UPF2: variants seen among roughly 807,000 people sequenced by gnomAD.
The protein encoded by UPF2 is UPF2 regulator of nonsense mediated mRNA decay.
Under a neutral mutation model 141.4 loss-of-function variants are expected in UPF2, and 17 were observed. The observed-to-expected ratio is 0.12, with a 90% CI of 0.08 to 0.18. The LOEUF (loss-of-function observed/expected upper bound fraction) is 0.18. UPF2 is among the 10% of genes least tolerant of loss of function. The probability of loss-of-function intolerance (pLI) is 1.00; values close to 1 mark genes in which losing one functional copy is unlikely to be tolerated. For missense variants in UPF2, 1,152 were observed against 1,515.9 expected (o/e 0.76, Z 3.99); for synonymous variants, 540 against 498.0 (o/e 1.08, Z -1.12).
In UPF2 at chr10:12,031,565, A is replaced by C. The variant is rs575245921; in HGVS notation, c.366-2041T>G. On this transcript the variant is annotated intron_variant, in intron 2 of 21. Coordinates refer to ENST00000357604, the MANE Select transcript of UPF2 (RefSeq NM_015542.4). ...TGTGAAGCTGAGGTGGGAAGAGCCCAGGAGTTAAGACCAGACTGGGCAACA... is the reference window on the plus strand; with the variant it reads ...TGTGAAGCTGAGGTGGGAAGAGCCCCGGAGTTAAGACCAGACTGGGCAACA... 6.6e-5 allele frequency among the ~76,000 whole-genome samples: 10 copies of C among 152,358 alleles called. No individual in the cohort carries two copies. In the East Asian group the frequency reaches 1.9e-3, roughly 29 times the overall value.
Position 12,019,938 on chromosome 10 carries a change from T to G in UPF2, c.1146-5754A>C, listed in dbSNP as rs979026743. 2.0e-5 allele frequency among the ~76,000 whole-genome samples: 3 copies of G among 152,160 alleles called. No homozygotes were observed. The highest frequency in any genetic ancestry group is 4.4e-5 in the Non-Finnish European group (3 of 68,032). ...CGGGGTTTTGCCACGTTGGCCAGGC[T>G]GGCCTCAGGCTCCTGATGTCAGGTG... On this transcript the variant is annotated intron_variant, in intron 3 of 21. Transcript: ENST00000357604. This position sits in a 1 kb window ranked among gnomAD's most constrained non-coding sequence, Gnocchi z 4.5.
chr10:12,006,866 G>A (rs971892307), intron 4 of UPF2, among the ~76,000 whole-genome samples: 2 of 152,060 alleles, frequency 1.3e-5, no homozygotes, highest in African/African-American at 4.8e-5. Context: ...ACTTAGGGTG[G>A]AGTCTCTGGA....
At chr10:11,947,893 T>A (rs1233653453) in intron 16 of UPF2, among the ~76,000 whole-genome samples, 1 of 151,838 alleles carries the variant, frequency 6.6e-6, no homozygotes, top group East Asian at 1.9e-4. Context: ...CTTTAAAAAC[T>A]TTTAATTAAA....
At chr10:12,006,373 A>G (rs1179070668) in intron 4 of UPF2, among the ~76,000 whole-genome samples, 1 of 152,228 alleles carries the variant, frequency 6.6e-6, no homozygotes, top group Non-Finnish European at 1.5e-5. Flanking sequence ...TTATGAGCCC[A>G]TTCATGAACT....
intron 4 of UPF2, among the ~76,000 whole-genome samples, chr10:12,012,730 C>T (rs1038655848): frequency 1.3e-5 from 2 of 148,258 alleles, no homozygotes; most frequent in Non-Finnish European, 1.5e-5. Context: ...ACCTGGGAGG[C>T]GGAGCTTGCA....
At chr10:11,975,988 T>C (rs1263263885) in intron 9 of UPF2, among the ~76,000 whole-genome samples, 1 of 152,218 alleles carries the variant, frequency 6.6e-6, no homozygotes, top group Non-Finnish European at 1.5e-5. Flanking sequence ...ACTTAGGACA[T>C]GTCCTCATAG....
intron 9 of UPF2, among the ~76,000 whole-genome samples, chr10:11,976,531 A>G (rs1008504555): frequency 6.6e-6 from 1 of 152,244 alleles, no homozygotes; most frequent in Admixed American, 6.5e-5. Flanking sequence ...AGACATTTTT[A>G]AGAAGAAAAT....
At chr10:12,002,894 A>G (rs2131268550) in intron 5 of UPF2, among the ~76,000 whole-genome samples, 1 of 152,352 alleles carries the variant, frequency 6.6e-6, no homozygotes, top group Middle Eastern at 3.4e-3. Flanking sequence ...ACCTGAGTTC[A>G]GGAATGTATA....
At chr10:11,950,113 C>A (rs1425344173) in intron 15 of UPF2, among the ~76,000 whole-genome samples, 1 of 152,030 alleles carries the variant, frequency 6.6e-6, no homozygotes, top group Non-Finnish European at 1.5e-5. Flanking sequence ...ACACGATTAT[C>A]TTTCTGTATG....
rs1833572545 is a variant in UPF2, at chr10:11,980,416, T to C, written c.1845-1251A>G. Among the ~76,000 whole-genome samples, 1 of 152,044 alleles carries C rather than the reference T, an allele frequency of 6.6e-6. No homozygotes were observed. Among genetic ancestry groups the C allele is most frequent in the Non-Finnish European group, 1.5e-5 (1 of 68,022 alleles). The stretch of plus-strand genomic sequence containing the variant: ...AAAATTATGACAGCTTGAAGCCAAT[T>C]AGAACAGACACAAATAATCATACGA... On this transcript the variant is annotated intron_variant, in intron 8 of 21. Coordinates refer to ENST00000357604, the MANE Select transcript of UPF2 (RefSeq NM_015542.4). The surrounding 1 kb of genome is among the most constrained non-coding windows in gnomAD (Gnocchi z 4.2).
At chr10:11,990,150 G>C (rs1225749155) in intron 8 of UPF2, among the ~76,000 whole-genome samples, 1 of 152,196 alleles carries the variant, frequency 6.6e-6, no homozygotes, top group African/African-American at 2.4e-5. Context: ...CAAATGAAAA[G>C]AAAAGGGAAA....
Position 12,004,535 on chromosome 10 carries a change from G to A in UPF2, c.1499C>T (p.Thr500Ile), listed in dbSNP as rs1387039355. The A allele has an allele frequency of 6.2e-7, 1 of 1,607,000 alleles. No individual in the cohort carries two copies. The highest frequency in any genetic ancestry group is 8.5e-7 in the Non-Finnish European group (1 of 1,177,150). ...CQNKESNKDDTKEAKESKENK... is the reference protein window; with the variant it reads ...CQNKESNKDDIKEAKESKENK... ...ATTTTTTCTCTAGAATTTACCTTTGGTATCATCTTTGTTGGACTCTTTATT... is the reference window on the plus strand; with the variant it reads ...ATTTTTTCTCTAGAATTTACCTTTGATATCATCTTTGTTGGACTCTTTATT... Residue 500 changes from threonine (T) to isoleucine (I), a missense_variant, in exon 5 of 22, where the codon ACC (threonine) becomes ATC (isoleucine). By Grantham distance (89) the Thr-to-Ile change is moderately conservative (BLOSUM62 -1). This residue lies in a region of UPF2 where 739 missense variants were observed against 1,032.2 expected (regional missense o/e 0.72). Transcript: ENST00000357604.
At chr10:11,938,702 G>C (rs1832884472) in intron 18 of UPF2, among the ~76,000 whole-genome samples, 2 of 151,370 alleles carry the variant, frequency 1.3e-5, no homozygotes, top group Non-Finnish European at 2.9e-5. Context: ...AAAAGTATTA[G>C]GCCTTTGTGT....
chr10:11,927,169 G>T (rs1026123222), intron 21 of UPF2, among the ~76,000 whole-genome samples: 1 of 152,178 alleles, frequency 6.6e-6, no homozygotes, highest in African/African-American at 2.4e-5. Context: ...GAGTGTACAC[G>T]GAGGGAGGCA....
At chr10:11,938,293 T>C (rs1436243763) in intron 18 of UPF2, among the ~76,000 whole-genome samples, 2 of 152,206 alleles carry the variant, frequency 1.3e-5, no homozygotes, top group African/African-American at 4.8e-5. Flanking sequence ...TATTTAATTA[T>C]TGACAGACAA....
chr10:11,939,889 A>T lies in UPF2; in HGVS notation c.3378+2776T>A, dbSNP rs1441597187. On this transcript the variant is annotated intron_variant, in intron 18 of 21. Transcript: ENST00000357604. This position sits in a 1 kb window ranked among gnomAD's most constrained non-coding sequence, Gnocchi z 4.8. ...TTAGCTATTTTGCTTATTCTTACAG[A>T]TGTTTTAAGAAATAATTTTAAATTC... Among the ~76,000 whole-genome samples, 1 of 152,282 alleles carries T rather than the reference A, an allele frequency of 6.6e-6. No individual in the cohort carries two copies. Among genetic ancestry groups the T allele is most frequent in the African/African-American group, 2.4e-5 (1 of 41,546 alleles).
intron 8 of UPF2, among the ~76,000 whole-genome samples, chr10:11,994,975 C>CAAAAAAAAAAAAAAAAAAA (rs60922532): frequency 7.8e-5 from 4 of 51,358 alleles, no homozygotes; most frequent in Non-Finnish European, 1.2e-4. Flanking sequence ...GACTCCATCT[C>CAAAAAAAAAAAAAAAAAAA]AAAAAAAAAA....
chr10:11,978,972 T>C (rs1367574095), intron 9 of UPF2, 85 bp downstream of exon 9: 9 of 1,132,674 alleles, frequency 7.9e-6, no homozygotes, highest in Non-Finnish European at 1.0e-5. Context: ...TTCAAGAATA[T>C]GCTTACCAAC....
rs1834176165 is a variant in UPF2 at position 12,014,012 on chromosome 10, G to T, written c.1306+12C>A. The T allele has an allele frequency of 1.3e-6, 2 of 1,516,586 alleles. No individual in the cohort carries two copies. Among genetic ancestry groups the T allele is most frequent in the Admixed American group, 2.0e-5 (1 of 48,818 alleles). The allele number at this position is 1,516,586 out of a possible 1,614,324, so 93.9% of individuals were successfully genotyped here. A position where few individuals can be genotyped will look rare whatever the true frequency, so the allele number is the denominator to read the frequency against. On this transcript the variant is annotated intron_variant, in intron 4 of 21. Coordinates refer to ENST00000357604, the MANE Select transcript of UPF2 (RefSeq NM_015542.4). This position sits in a 1 kb window ranked among gnomAD's most constrained non-coding sequence, Gnocchi z 5.0. Reference sequence around the variant, plus strand: ...AGAAAACACAATGTTTGTTTTTAAGGATATCTCTTACCTTCTGGTGTTGGT... The same window carrying T: ...AGAAAACACAATGTTTGTTTTTAAGTATATCTCTTACCTTCTGGTGTTGGT...
Sources: gnomAD v4.1 joint callset for allele counts (sites outside exome capture counted in the v4.1 genomes callset) on GRCh38, gnomAD v4.1.1 for gene constraint, gnomAD v4.1.1 regional missense constraint, Gnocchi (gnomAD v3.1) non-coding constraint, MANE v1.5 for transcripts, NCBI Gene and HGNC (gene_info 2026-07-23, HGNC 2026-07-21) for gene names.